The following NIN variants were observed in gnomAD, a reference collection of about 807,000 sequenced individuals.
NIN encodes glycogen synthase kinase 3 beta-interacting protein.
In NIN, 137 loss-of-function variants were observed where a neutral mutation model predicts 257.6. The observed-to-expected ratio is 0.53, with a 90% CI of 0.46 to 0.61. NIN has a LOEUF of 0.61. NIN is among the 20% of genes least tolerant of loss of function. The pLI is 0.00. For synonymous variants in NIN, 918 were observed against 919.8 expected, an observed-to-expected ratio of 1.00 and a Z score of 0.04; for missense variants, 2,439 against 2,501.2, an observed-to-expected ratio of 0.98 and a Z score of 0.53.
At chr14:50,790,912 T>C (rs906375385) in intron 5 of NIN, among the ~76,000 whole-genome samples, 1 of 152,228 alleles carries the variant, frequency 6.6e-6, no homozygotes, top group Non-Finnish European at 1.5e-5. Context: ...AAGAAACATG[T>C]TGCCAGCAAC....
intron 5 of NIN, among the ~76,000 whole-genome samples, chr14:50,787,414 A>C (rs916718759): frequency 6.6e-6 from 1 of 152,240 alleles, no homozygotes. Context: ...AGGTCAGTTC[A>C]GTAGCTATTA....
At chr14:50,754,653 A>C in intron 19 of NIN, 21 bp from the exon 20 acceptor site, 3 of 1,601,104 alleles carry the variant, frequency 1.9e-6, no homozygotes, top group Admixed American at 3.5e-5. Flanking sequence ...TGATGAAAAT[A>C]AAATTTAATG....
In NIN at chr14:50,727,438, A is replaced by C. The variant is rs560089311; in HGVS notation, c.6079-1372T>G. On this transcript the variant is annotated intron_variant, in intron 29 of 30. Coordinates refer to ENST00000530997, the MANE Select transcript of NIN (RefSeq NM_020921.4). ...AAGAATCTTAAATCCACACTCTTTA[A>C]AGGGTATAAATAAAATGATTTGTAA... 40 of 1,150,316 alleles carry C rather than the reference A, an allele frequency of 3.5e-5. No individual in the cohort carries two copies. In the East Asian group the frequency reaches 1.1e-3, roughly 33 times the overall value. The allele number at this position is 1,150,316 out of a possible 1,614,324, so 71.3% of individuals were successfully genotyped here.
chr14:50,763,981 A>G lies in NIN; in HGVS notation c.1636-17T>C. 1 of 1,610,272 alleles carries G rather than the reference A, an allele frequency of 6.2e-7. No individual in the cohort carries two copies. The highest frequency in any genetic ancestry group is 8.5e-7 in the Non-Finnish European group (1 of 1,176,742). The stretch of plus-strand genomic sequence containing the variant: ...TTGTAGTACCTGGGATTTAAAAACC[A>G]ACACTGGTCTTAGATGTGACACCAA... On this transcript the variant is annotated splice_polypyrimidine_tract_variant and intron_variant, in intron 14 of 30. Transcript: ENST00000530997.
intron 24 of NIN, chr14:50,742,200 GC>G (rs1157388286): frequency 6.5e-6 from 1 of 153,088 alleles, no homozygotes; most frequent in African/African-American, 2.4e-5. Flanking sequence ...GATCGCTTGA[GC>G]CCAGGAGTTT....
chr14:50,727,717 T>C (rs2040479665), intron 29 of NIN: 1 of 1,435,526 alleles, frequency 7.0e-7, no homozygotes, highest in Non-Finnish European at 9.4e-7. Flanking sequence ...TCTGTAGGAA[T>C]CTGCGTGCAC....
At position 50,771,008 on chromosome 14, in the gene NIN, C is replaced by A. The variant is rs1424476596; in HGVS notation, c.1119-16G>T. 6.2e-7 allele frequency: 1 copy of A among 1,611,044 alleles called. No homozygotes were observed. Among genetic ancestry groups the A allele is most frequent in the South Asian group, 1.1e-5 (1 of 90,770 alleles). ...AACTCGTTCCCTAGGATCAGAAGTA[C>A]ACTGAGTTAATGGGAAACTGTTTCT... On this transcript the variant is annotated splice_polypyrimidine_tract_variant and intron_variant, in intron 10 of 30. Coordinates refer to ENST00000530997, the MANE Select transcript of NIN (RefSeq NM_020921.4).
In NIN at chr14:50,777,022, C is replaced by G. The variant is rs759230462; in HGVS notation, c.593G>C (p.Arg198Pro). Residue 198 changes from arginine to proline, a missense_variant, in exon 7 of 31, where the codon CGT (arginine) becomes CCT (proline). Arg to Pro is a moderately radical substitution (Grantham distance 103). This residue lies in a region of NIN where 387 missense variants were observed against 427.3 expected (regional missense o/e 0.91). Transcript: ENST00000530997. ...QEVCEDLGIT[R>P]DGHLNRKKLV... ...CTTCTTCCGGTTCAGGTGACCATCA[C>G]GGGTGATCCCCAAATCTTCACAAAC... is the stretch of plus-strand genomic sequence containing the variant. The G allele has an allele frequency of 6.2e-7, 1 of 1,614,088 alleles. No individual in the cohort carries two copies. The highest frequency in any genetic ancestry group is 8.5e-7 in the Non-Finnish European group (1 of 1,180,034).
chr14:50,785,390 T>C (rs1179729408), intron 5 of NIN, among the ~76,000 whole-genome samples: 2 of 152,212 alleles, frequency 1.3e-5, no homozygotes, highest in African/African-American at 4.8e-5. Flanking sequence ...AAAACCATTA[T>C]GGGGGCAGAC....
At chr14:50,815,377 T>C (rs2044843572) in intron 3 of NIN, among the ~76,000 whole-genome samples, 2 of 152,078 alleles carry the variant, frequency 1.3e-5, no homozygotes, top group South Asian at 2.1e-4. Context: ...AATCAATAAA[T>C]AGTCCAGAAA....
chr14:50,762,574 C>T (rs1181504321), intron 15 of NIN, among the ~76,000 whole-genome samples: 1 of 152,100 alleles, frequency 6.6e-6, no homozygotes, highest in Non-Finnish European at 1.5e-5. Flanking sequence ...AGGTTAGGAA[C>T]CAGGATACAG....
At chr14:50,797,890 G>C (rs1238490429) in intron 4 of NIN, among the ~76,000 whole-genome samples, 1 of 151,868 alleles carries the variant, frequency 6.6e-6, no homozygotes, top group African/African-American at 2.4e-5. Flanking sequence ...AAGAGATATA[G>C]ATGTGGGAAG....
chr14:50,727,692 C>G (rs893551931), intron 29 of NIN: 1 of 1,439,992 alleles, frequency 6.9e-7, no homozygotes, highest in African/African-American at 1.4e-5. Flanking sequence ...CCAGTTTTCA[C>G]AGGTGCCCAA....
chr14:50,728,594 C>T (rs556526273), intron 29 of NIN, among the ~76,000 whole-genome samples: 1 of 152,316 alleles, frequency 6.6e-6, no homozygotes, highest in African/African-American at 2.4e-5. Flanking sequence ...CAAGCATTAA[C>T]TGAGTGGCAA....
intron 22 of NIN, among the ~76,000 whole-genome samples, chr14:50,745,706 T>C (rs1328994095): frequency 6.6e-6 from 1 of 152,212 alleles, no homozygotes. Flanking sequence ...CTTTATCCAC[T>C]GCCTTGTCTT....
chr14:50,793,457 G>A (rs992131705), intron 4 of NIN, among the ~76,000 whole-genome samples: 10 of 151,900 alleles, frequency 6.6e-5, no homozygotes, highest in African/African-American at 2.4e-4. Context: ...AGCTAGTTAC[G>A]TATATGAAAC....
At chr14:50,723,822 A>C (rs2040318840) in intron 30 of NIN, 150 bp from the exon 31 acceptor site, 2 of 648,806 alleles carry the variant, frequency 3.1e-6, no homozygotes, top group Non-Finnish European at 5.3e-6. Flanking sequence ...CTTTAACATC[A>C]GACTTGGCAT....
rs2040238054 is a variant in NIN, at chr14:50,719,799, T to C, written c.*3664A>G. ...CTGAAACTTTATTAAAAGGTCAGGG[T>C]ATATAGAAAACAAAAGGCATGTTTG... On this transcript the variant is annotated 3_prime_UTR_variant, in exon 31 of 31. Transcript: ENST00000530997. 1 of 189,346 alleles carries C rather than the reference T, an allele frequency of 5.3e-6. No individual in the cohort carries two copies. Among genetic ancestry groups the C allele is most frequent in the African/African-American group, 2.3e-5 (1 of 42,856 alleles). 11.7% of individuals were successfully genotyped at this position (189,346 alleles called of 1,614,324 possible).
At chr14:50,743,696 CA>C (rs1375304661) in intron 23 of NIN, among the ~76,000 whole-genome samples, 167 bp from the exon 24 acceptor site, 1 of 152,154 alleles carries the variant, frequency 6.6e-6, no homozygotes, top group African/African-American at 2.4e-5. Flanking sequence ...CGAGACAAAC[CA>C]AAGACTGTTT....
Sources: allele counts gnomAD v4.1 joint callset (sites outside exome capture counted in the v4.1 genomes callset), GRCh38; gene constraint gnomAD v4.1.1; regional missense constraint gnomAD v4.1.1; transcripts MANE v1.5; gene names NCBI Gene and HGNC (gene_info 2026-07-23, HGNC 2026-07-21).